DMGDH: variants seen among roughly 807,000 people sequenced by gnomAD.
DMGDH encodes the protein dimethylglycine dehydrogenase, also known as dimethylglycine dehydrogenase, mitochondrial.
In DMGDH, 76 loss-of-function variants were observed where a neutral mutation model predicts 95.2. The observed-to-expected ratio is 0.80, with a 90% CI of 0.66 to 0.97. The LOEUF (loss-of-function observed/expected upper bound fraction) is 0.97. Among genes scored for constraint, DMGDH ranks in the 50% least tolerant of loss-of-function variants. DMGDH has a pLI of 0.00. For missense variants in DMGDH, 987 were observed against 1,055.0 expected, an observed-to-expected ratio of 0.94 and a Z score of 0.89; for synonymous variants, 345 against 377.6, an observed-to-expected ratio of 0.91 and a Z score of 1.00.
intron 14 of DMGDH, among the ~76,000 whole-genome samples, chr5:79,017,308 C>T (rs968404826): frequency 2.0e-5 from 3 of 151,914 alleles, no homozygotes; most frequent in African/African-American, 7.3e-5. Context: ...ACAGAAAGCA[C>T]TTTAAAAACT....
intron 5 of DMGDH, among the ~76,000 whole-genome samples, chr5:79,045,154 G>A (rs1214409675): frequency 6.6e-6 from 1 of 152,156 alleles, no homozygotes; most frequent in Non-Finnish European, 1.5e-5. Context: ...AGTTTTATCT[G>A]TTGTTTTAAA....
At chr5:79,062,310 C>T (rs951487914) in intron 2 of DMGDH, among the ~76,000 whole-genome samples, 2 of 151,592 alleles carry the variant, frequency 1.3e-5, no homozygotes, top group Non-Finnish European at 2.9e-5. Flanking sequence ...TCCACAAGGG[C>T]AAGGTCTTTG....
chr5:79,044,241 C>G, intron 6 of DMGDH, 63 bp downstream of exon 6: 1 of 1,608,192 alleles, frequency 6.2e-7, no homozygotes, highest in South Asian at 1.1e-5. Flanking sequence ...AGCCATCCTC[C>G]AGCCATGGAG....
At chr5:79,019,556 T>G (rs895359545) in intron 14 of DMGDH, among the ~76,000 whole-genome samples, 1 of 152,118 alleles carries the variant, frequency 6.6e-6, no homozygotes, top group Non-Finnish European at 1.5e-5. Context: ...TGTACTTAAA[T>G]AAACTGCATT....
chr5:79,000,322 T>A (rs1184416759), intron 15 of DMGDH: 6 of 672,122 alleles, frequency 8.9e-6, no homozygotes, highest in South Asian at 8.1e-5. Context: ...TTCCCCATCA[T>A]CCTCACAATC....
In DMGDH at chr5:79,054,417, C is replaced by T. The variant is rs998633160; in HGVS notation, c.376-69G>A. The stretch of plus-strand genomic sequence containing the variant: ...TTGGTACTCAAACATGGTTCTGCTC[C>T]AGTATAATGAAAATGCAGCTGTACA... On this transcript the variant is annotated intron_variant, in intron 3 of 15. Coordinates refer to ENST00000255189, the MANE Select transcript of DMGDH (RefSeq NM_013391.3). 8.8e-6 allele frequency: 13 copies of T among 1,477,656 alleles called. No individual in the cohort carries two copies. The African/African-American group carries it at 1.5e-4, about 17-fold the overall frequency. The allele number at this position is 1,477,656 out of a possible 1,614,324, so 91.5% of individuals were successfully genotyped here.
chr5:79,004,299 T>G (rs1350468753), intron 15 of DMGDH, among the ~76,000 whole-genome samples: 1 of 152,244 alleles, frequency 6.6e-6, no homozygotes, highest in Non-Finnish European at 1.5e-5. Context: ...GACCCATGCT[T>G]TAGCCCCAAA....
intron 1 of DMGDH, among the ~76,000 whole-genome samples, chr5:79,065,281 C>T (rs1041955200): frequency 5.3e-5 from 8 of 150,572 alleles, no homozygotes; most frequent in African/African-American, 7.4e-5. Flanking sequence ...TGCAGTGGCG[C>T]CATCTTTGCA....
intron 5 of DMGDH, 66 bp from the exon 6 acceptor site, chr5:79,044,618 C>T: frequency 6.4e-7 from 1 of 1,555,130 alleles, no homozygotes. Context: ...ACTCATATAG[C>T]AATTTATATT....
intron 2 of DMGDH, among the ~76,000 whole-genome samples, chr5:79,060,649 G>A (rs545753659): frequency 4.6e-5 from 7 of 152,136 alleles, no homozygotes; most frequent in South Asian, 4.2e-4. Flanking sequence ...AGCCTGGCGC[G>A]GTGGCTCACG....
chr5:79,008,041 T>C (rs897563734), intron 14 of DMGDH, among the ~76,000 whole-genome samples: 3 of 152,214 alleles, frequency 2.0e-5, no homozygotes, highest in Non-Finnish European at 4.4e-5. Context: ...TGACACACAG[T>C]AGCATATCAA....
At chr5:79,045,716 G>T (rs1481595553) in intron 5 of DMGDH, among the ~76,000 whole-genome samples, 2 of 152,164 alleles carry the variant, frequency 1.3e-5, no homozygotes, top group Admixed American at 1.3e-4. Flanking sequence ...TCATTGAAAT[G>T]ATTACATGAT....
intron 2 of DMGDH, among the ~76,000 whole-genome samples, chr5:79,057,931 C>T (rs1330903350): frequency 1.3e-5 from 2 of 152,202 alleles, no homozygotes; most frequent in Non-Finnish European, 2.9e-5. Context: ...TATCTATCTA[C>T]ACTACGCAAT....
At chr5:79,033,515 T>TTAGCA in intron 7 of DMGDH, 107 bp from the exon 8 acceptor site, 2 of 1,288,964 alleles carry the variant, frequency 1.6e-6, no homozygotes, top group Non-Finnish European at 2.2e-6. Flanking sequence ...TCTGTGCTAA[T>TTAGCA]CAGAACACAC....
At chr5:79,068,847 AG>A in intron 1 of DMGDH, among the ~76,000 whole-genome samples, 1 of 152,360 alleles carries the variant, frequency 6.6e-6, no homozygotes, top group East Asian at 1.9e-4. Flanking sequence ...TCTGGGAACC[AG>A]GGAAGATGTG....
At chr5:79,054,855 T>C (rs367777822) in intron 3 of DMGDH, among the ~76,000 whole-genome samples, 3 of 152,204 alleles carry the variant, frequency 2.0e-5, no homozygotes, top group African/African-American at 2.4e-5. Context: ...ATAAAAGATA[T>C]AGCCCTTGCC....
chr5:79,005,487 TC>T (rs1267253878), intron 14 of DMGDH, 80 bp from the exon 15 acceptor site: 1 of 1,585,012 alleles, frequency 6.3e-7, no homozygotes, highest in Non-Finnish European at 8.6e-7. Context: ...TTTAAATTTG[TC>T]TTTCCTATTT....
At chr5:79,007,329 G>A (rs986238262) in intron 14 of DMGDH, among the ~76,000 whole-genome samples, 11 of 152,082 alleles carry the variant, frequency 7.2e-5, no homozygotes, top group African/African-American at 1.7e-4. Flanking sequence ...TACAGTATTC[G>A]TGGGATTTGA....
rs765710479 is a variant in DMGDH, at chr5:79,044,535, C to A, written c.763G>T (p.Val255Leu). ...TGTTCTAGTCCAATCATTTTACCTA[C>A]TTCACGAGCCCAAAATCCTTAAACA... is the stretch of plus-strand genomic sequence containing the variant. ...VNAAGFWARE[V>L]GKMIGLEHPL... The change falls in exon 6 of 16, where the codon GTA becomes TTA. Residue 255 changes from valine (V) to leucine (L), a missense_variant. Transcript: ENST00000255189. The A allele has an allele frequency of 6.2e-7, 1 of 1,614,114 alleles. No individual in the cohort carries two copies. The highest frequency in any genetic ancestry group is 8.5e-7 in the Non-Finnish European group (1 of 1,180,016).
Sources: gnomAD v4.1 joint callset for allele counts (sites outside exome capture counted in the v4.1 genomes callset) on GRCh38, gnomAD v4.1.1 for gene constraint, MANE v1.5 for transcripts, NCBI Gene and HGNC (gene_info 2026-07-23, HGNC 2026-07-21) for gene names.